KLHL29: variants seen among roughly 807,000 people sequenced by gnomAD.
The protein encoded by KLHL29 is kelch like family member 29.
Under a neutral mutation model 80.4 loss-of-function variants are expected in KLHL29, and 21 were observed. That is an observed-to-expected ratio of 0.26 (90% CI 0.19 to 0.38). The LOEUF (loss-of-function observed/expected upper bound fraction) is 0.38. Ranked by LOEUF, KLHL29 falls within the 10% of genes least tolerant of loss-of-function variation. The pLI, the probability that KLHL29 is intolerant of heterozygous loss-of-function variation, is 1.00. For missense variants in KLHL29, 867 were observed against 1,223.9 expected (o/e 0.71, Z 4.35); for synonymous variants, 511 against 526.8 (o/e 0.97, Z 0.41).
chr2:23,644,121 C>T (rs1669853966), intron 5 of KLHL29: 1 of 152,182 alleles, frequency 6.6e-6, no homozygotes, highest in Non-Finnish European at 1.5e-5. Context: ...CCCTAACTGC[C>T]TTTGTTTTGG....
rs146836684 is a variant in KLHL29, at chr2:23,677,122, A to G, written c.941-7277A>G. On this transcript the variant is annotated intron_variant, in intron 5 of 13. Transcript: ENST00000486442. ...AAATGTTAAGGAGAAAAATAGAAGC[A>G]AATTTTCTATCATCTTAGAGGGCAT... 2.3e-3 allele frequency among the ~76,000 whole-genome samples: 347 copies of G among 152,354 alleles called. 1 individual carries two copies. The highest frequency in any genetic ancestry group is 7.7e-3 in the African/African-American group (322 of 41,584).
chr2:23,417,176 C>T (rs937430613), intron 1 of KLHL29, among the ~76,000 whole-genome samples: 2 of 152,120 alleles, frequency 1.3e-5, no homozygotes, highest in Admixed American at 1.3e-4. Context: ...GTTCAGGCTC[C>T]ATCCTCTCTT....
At chr2:23,575,866 G>A (rs1430109349) in intron 3 of KLHL29, among the ~76,000 whole-genome samples, 1 of 152,240 alleles carries the variant, frequency 6.6e-6, no homozygotes, top group Non-Finnish European at 1.5e-5. Flanking sequence ...CCAGCCAGGA[G>A]CACAGAGCCT....
intron 1 of KLHL29, among the ~76,000 whole-genome samples, chr2:23,456,005 G>A (rs1365893021): frequency 1.3e-5 from 2 of 152,094 alleles, no homozygotes; most frequent in Non-Finnish European, 2.9e-5. Context: ...GTGAGAAAGC[G>A]GCCACCTGCA....
chr2:23,597,307 A>ATG lies in KLHL29; in HGVS notation c.285+34827_285+34828insGT, dbSNP rs1454960849. Among the ~76,000 whole-genome samples, 903 of 106,538 alleles carry ATG rather than the reference A, an allele frequency of 8.5e-3. 6 individuals carry two copies. The highest frequency in any genetic ancestry group is 0.02 in the African/African-American group (470 of 23,444). 69.9% of individuals were successfully genotyped at this position (106,538 alleles called of 152,430 possible). ...ATCTCTCTCTCTCTCATATATATAT[A>ATG]TATGTGTGTGTGTGTGTGTGTGTGT... On this transcript the variant is annotated intron_variant, in intron 3 of 13. Transcript: ENST00000486442.
rs887715589 is a variant in KLHL29 at position 23,496,345 on chromosome 2, G to T, written c.-46+20678G>T. ...TGACAACAATGAAATGAACACACAT[G>T]ATCCATCCCACCTCTGAACTTAAGA... On this transcript the variant is annotated intron_variant, in intron 2 of 13. Transcript: ENST00000486442. 3.3e-5 allele frequency among the ~76,000 whole-genome samples: 5 copies of T among 152,190 alleles called. 1 individual carries two copies. Among genetic ancestry groups the T allele is most frequent in the Admixed American group, 1.3e-4 (2 of 15,280 alleles).
chr2:23,457,173 C>T lies in KLHL29; in HGVS notation c.-153-18387C>T, dbSNP rs140894442. Among the ~76,000 whole-genome samples, 9 of 152,320 alleles carry T rather than the reference C, an allele frequency of 5.9e-5. No individual in the cohort carries two copies. Among genetic ancestry groups the T allele is most frequent in the Non-Finnish European group, 1.2e-4 (8 of 68,032 alleles). ...GGAACAGGAGGAGGTTAAAGCAATCCGTGCCCTGAGTGAGCGCAGGGTGCA... is the reference window on the plus strand; with the variant it reads ...GGAACAGGAGGAGGTTAAAGCAATCTGTGCCCTGAGTGAGCGCAGGGTGCA... On this transcript the variant is annotated intron_variant, in intron 1 of 13. Coordinates refer to ENST00000486442, the MANE Select transcript of KLHL29 (RefSeq NM_052920.2). This position sits in a 1 kb window ranked among gnomAD's most constrained non-coding sequence, Gnocchi z 4.3.
At chr2:23,627,900 G>A (rs1374259591) in intron 3 of KLHL29, among the ~76,000 whole-genome samples, 1 of 143,292 alleles carries the variant, frequency 7.0e-6, no homozygotes, top group Admixed American at 7.7e-5. Context: ...GAAAGGAGGA[G>A]GCCAGGAGTC....
intron 3 of KLHL29, among the ~76,000 whole-genome samples, chr2:23,597,399 ATATATATATTTT>A (rs1438245339): frequency 2.5e-5 from 2 of 79,734 alleles, no homozygotes; most frequent in East Asian, 3.1e-4. Flanking sequence ...ATATATATAT[ATATATATATTTT>A]TTTTTTTTTT....
At chr2:23,391,072 C>G (rs1265198490) in intron 1 of KLHL29, among the ~76,000 whole-genome samples, 1 of 152,238 alleles carries the variant, frequency 6.6e-6, no homozygotes, top group Non-Finnish European at 1.5e-5. Flanking sequence ...CCTCCCTCAG[C>G]CCCTGGCATC....
chr2:23,568,388 C>T (rs1007044380), intron 3 of KLHL29, among the ~76,000 whole-genome samples: 6 of 152,166 alleles, frequency 3.9e-5, no homozygotes, highest in Admixed American at 6.5e-5. Flanking sequence ...CTCTGCTAGG[C>T]TGTCTCATTT....
intron 1 of KLHL29, among the ~76,000 whole-genome samples, chr2:23,391,258 T>G (rs1055899108): frequency 1.3e-5 from 2 of 152,066 alleles, no homozygotes; most frequent in African/African-American, 4.8e-5. Flanking sequence ...TGAATAATAT[T>G]GCATTGCATG....
intron 3 of KLHL29, among the ~76,000 whole-genome samples, chr2:23,582,348 A>G (rs1019882012): frequency 6.6e-6 from 1 of 152,252 alleles, no homozygotes; most frequent in Non-Finnish European, 1.5e-5. Flanking sequence ...CAGATTGGCT[A>G]TTAAAGCGTC....
chr2:23,578,842 G>T (rs1371826409), intron 3 of KLHL29, among the ~76,000 whole-genome samples: 1 of 152,186 alleles, frequency 6.6e-6, no homozygotes, highest in Admixed American at 6.5e-5. Context: ...CCTTTGTGTG[G>T]CAGGCATCTC....
intron 1 of KLHL29, among the ~76,000 whole-genome samples, chr2:23,411,537 G>C (rs1020407660): frequency 2.0e-5 from 3 of 152,002 alleles, no homozygotes; most frequent in East Asian, 3.9e-4. Context: ...GCAGGACCTC[G>C]AGAAGAGAGT....
chr2:23,485,585 C>G (rs981701096), intron 2 of KLHL29, among the ~76,000 whole-genome samples: 3 of 152,216 alleles, frequency 2.0e-5, no homozygotes, highest in African/African-American at 4.8e-5. Flanking sequence ...AACCCAGGCT[C>G]TCAGTATGCT....
chr2:23,615,005 C>A (rs1208699753), intron 3 of KLHL29, among the ~76,000 whole-genome samples: 2 of 152,230 alleles, frequency 1.3e-5, no homozygotes, highest in Non-Finnish European at 2.9e-5. Flanking sequence ...CCCGTTCCAG[C>A]CATCAGGTCC....
rs138994604 is a variant in KLHL29 at position 23,572,070 on chromosome 2, A to G, written c.285+9589A>G. Among the ~76,000 whole-genome samples the G allele has an allele frequency of 3.9e-5, 6 of 152,268 alleles. No individual in the cohort carries two copies. In the East Asian group the frequency reaches 1.2e-3, roughly 29 times the overall value. On this transcript the variant is annotated intron_variant, in intron 3 of 13. Transcript: ENST00000486442. ...GCTATCTGTTGCTTCTCTGAATGTCAACACCAGGACACAGCTTAGTACCAC... is the reference window on the plus strand; with the variant it reads ...GCTATCTGTTGCTTCTCTGAATGTCGACACCAGGACACAGCTTAGTACCAC...
At chr2:23,648,810 A>T (rs1317837823) in intron 5 of KLHL29, among the ~76,000 whole-genome samples, 1 of 152,190 alleles carries the variant, frequency 6.6e-6, no homozygotes, top group African/African-American at 2.4e-5. Context: ...TGCAGCATGG[A>T]TGGTGGTTGA....
Sources: gnomAD v4.1 joint callset for allele counts (sites outside exome capture counted in the v4.1 genomes callset) on GRCh38, gnomAD v4.1.1 for gene constraint, Gnocchi (gnomAD v3.1) non-coding constraint, MANE v1.5 for transcripts, NCBI Gene and HGNC (gene_info 2026-07-23, HGNC 2026-07-21) for gene names.